Variants in HEATR5B observed in about 807,000 individuals in gnomAD.
HEATR5B encodes the protein HEAT repeat containing 5B, also known as HEAT repeat-containing protein 5B.
In HEATR5B, 156 loss-of-function variants were observed where a neutral mutation model predicts 224.1. The observed-to-expected ratio is 0.70, with a 90% CI of 0.61 to 0.80. HEATR5B has a LOEUF of 0.80. HEATR5B is among the 30% of genes least tolerant of loss of function. The probability of loss-of-function intolerance (pLI) is 0.00; values close to 1 mark genes in which losing one functional copy is unlikely to be tolerated. For synonymous variants in HEATR5B, 1,027 were observed against 893.0 expected (o/e 1.15, Z -2.68); for missense variants, 2,323 against 2,535.5 (o/e 0.92, Z 1.80).
Position 37,056,502 on chromosome 2 carries a change from T to G in HEATR5B, c.2337A>C (p.Ser779=), listed in dbSNP as rs565629807. The G allele has an allele frequency of 3.1e-6, 5 of 1,613,264 alleles. No homozygotes were observed. In the Admixed American group the frequency reaches 5.0e-5, roughly 16 times the overall value. The change falls in exon 16 of 36, where the codon TCA becomes TCC. Residue 779 remains serine, a synonymous_variant. Transcript: ENST00000233099. ...AAAGGGCCACAGAAGCATCAATGAC[T>G]GAGACTCCGAGAGGGAGGGGACCAG... The part of the protein sequence containing the change: ...AVPGPLPLGV[S]VIDASVALFG...
chr2:37,074,741 T>C (rs970914313), intron 5 of HEATR5B, among the ~76,000 whole-genome samples: 1 of 152,168 alleles, frequency 6.6e-6, no homozygotes, highest in Non-Finnish European at 1.5e-5. Context: ...GACAAAAGAT[T>C]GAGCACATCC....
At chr2:37,083,506 TACTC>T (rs886705783) in intron 1 of HEATR5B, 70 bp from the exon 2 acceptor site, 67 of 1,149,566 alleles carry the variant, frequency 5.8e-5, no homozygotes, top group Non-Finnish European at 8.3e-5. Flanking sequence ...TAATGGAATA[TACTC>T]ACTAAGAAAA....
chr2:37,039,785 G>A lies in HEATR5B; in HGVS notation c.3046+544C>T, dbSNP rs536326897. ...TAGAATTAGCTCAGTGGAATTAAGTGGTACAAACATAGGCTTTAGGATCAT... is the reference window on the plus strand; with the variant it reads ...TAGAATTAGCTCAGTGGAATTAAGTAGTACAAACATAGGCTTTAGGATCAT... On this transcript the variant is annotated intron_variant, in intron 20 of 35. Coordinates refer to ENST00000233099, the MANE Select transcript of HEATR5B (RefSeq NM_019024.3). Among the ~76,000 whole-genome samples the A allele has an allele frequency of 7.9e-5, 12 of 152,296 alleles. No homozygotes were observed. In the East Asian group the frequency reaches 2.3e-3, roughly 29 times the overall value.
intron 7 of HEATR5B, among the ~76,000 whole-genome samples, chr2:37,069,900 C>CCT (rs1671803544): frequency 7.1e-6 from 1 of 140,380 alleles, no homozygotes; most frequent in Admixed American, 7.2e-5. Context: ...TGAACAAAAT[C>CCT]TTTTTTTTTT....
chr2:37,009,730 G>GT (rs1667668873), intron 27 of HEATR5B, among the ~76,000 whole-genome samples: 1 of 149,908 alleles, frequency 6.7e-6, no homozygotes, highest in Non-Finnish European at 1.5e-5. Context: ...CCTTCTCAGA[G>GT]TTTTTTCTGG....
Position 37,028,004 on chromosome 2 carries a change from T to C in HEATR5B, c.3772A>G (p.Ile1258Val). Residue 1258 changes from isoleucine (I) to valine (V), a missense_variant, in exon 24 of 36, where the codon ATC becomes GTC. Ile to Val is a conservative substitution (Grantham distance 29, BLOSUM62 3). Around this residue, in one of 12 missense-constraint regions of HEATR5B, gnomAD observed 339 missense variants for 378.4 expected, o/e 0.90. Coordinates refer to ENST00000233099, the MANE Select transcript of HEATR5B (RefSeq NM_019024.3). The stretch of plus-strand genomic sequence containing the variant: ...TCTGCATTCTCACACAAATTGATGA[T>C]TCGACACAGGCAATCGGCAGCAAAT... ...RVFAADCLCRIINLCENADQA... is the reference protein window; with the variant it reads ...RVFAADCLCRVINLCENADQA... The C allele has an allele frequency of 1.9e-6, 3 of 1,614,176 alleles. No individual in the cohort carries two copies. The highest frequency in any genetic ancestry group is 2.5e-6 in the Non-Finnish European group (3 of 1,180,016).
chr2:37,020,913 T>A, intron 24 of HEATR5B, 77 bp from the exon 25 acceptor site: 1 of 824,092 alleles, frequency 1.2e-6, no homozygotes, highest in Non-Finnish European at 1.8e-6. Context: ...TGAAATGAAA[T>A]AAATTTTTGA....
intron 33 of HEATR5B, among the ~76,000 whole-genome samples, chr2:37,000,119 C>T (rs1428487038): frequency 6.6e-6 from 1 of 151,622 alleles, no homozygotes; most frequent in African/African-American, 2.4e-5. Context: ...TGTTTTTTGC[C>T]GAGCCTGGAG....
At chr2:37,005,188 T>A (rs887043600) in intron 30 of HEATR5B, among the ~76,000 whole-genome samples, 1 of 152,182 alleles carries the variant, frequency 6.6e-6, no homozygotes, top group Non-Finnish European at 1.5e-5. Context: ...CCGTGTTCTC[T>A]CATGCCTCCT....
intron 33 of HEATR5B, among the ~76,000 whole-genome samples, chr2:36,994,556 T>C (rs1281973780): frequency 2.0e-5 from 3 of 152,174 alleles, no homozygotes; most frequent in African/African-American, 4.8e-5. Flanking sequence ...ACTTCATAAC[T>C]GGCTGTGTCT....
chr2:37,042,635 T>C (rs1193655389), intron 18 of HEATR5B, among the ~76,000 whole-genome samples: 1 of 152,200 alleles, frequency 6.6e-6, no homozygotes, highest in Non-Finnish European at 1.5e-5. Context: ...CTCATGCCTG[T>C]AATCCCAGCA....
rs373034064 is a variant in HEATR5B, at chr2:37,027,301, C to A, written c.3853+622G>T. ...CTGTTACTCTATCACCTCTCAATTT[C>A]TCTGGGTCTCTTCAACTATGAAATG... On this transcript the variant is annotated intron_variant, in intron 24 of 35. Coordinates refer to ENST00000233099, the MANE Select transcript of HEATR5B (RefSeq NM_019024.3). 2.0e-5 allele frequency among the ~76,000 whole-genome samples: 3 copies of A among 152,144 alleles called. No homozygotes were observed. In the East Asian group the frequency reaches 5.8e-4, roughly 29 times the overall value.
In HEATR5B at chr2:37,007,308, T is replaced by C. The variant is rs367669240; in HGVS notation, c.4523-4A>G. ...TCAGGGGTATAAAATGCTCCACCTG[T>C]AAAGCAATCAAATCAATTAAAAACA... On this transcript the variant is annotated splice_polypyrimidine_tract_variant and splice_region_variant and intron_variant, in intron 28 of 35. Coordinates refer to ENST00000233099, the MANE Select transcript of HEATR5B (RefSeq NM_019024.3). 7.0e-6 allele frequency: 11 copies of C among 1,563,754 alleles called. No homozygotes were observed. The highest frequency in any genetic ancestry group is 6.9e-5 in the African/African-American group (5 of 72,410).
At position 36,988,865 on chromosome 2, in the gene HEATR5B, TAAG is replaced by T. The variant is rs756283655; in HGVS notation, c.5698-9_5698-7del. 2.4e-5 allele frequency: 39 copies of T among 1,599,930 alleles called. No homozygotes were observed. The highest frequency in any genetic ancestry group is 2.0e-4 in the African/African-American group (15 of 74,662). Reference sequence around the variant, plus strand: ...TGGTAACATTTGGCTTGAACCTATATAAGAAGAACATATTATCAATTAACATGT... The same window carrying T: ...TGGTAACATTTGGCTTGAACCTATATAAGAACATATTATCAATTAACATGT... On this transcript the variant is annotated splice_region_variant and splice_polypyrimidine_tract_variant and intron_variant, in intron 34 of 35. Transcript: ENST00000233099.
chr2:37,038,920 G>GGA (rs58707175), intron 20 of HEATR5B, among the ~76,000 whole-genome samples: 13,652 of 122,712 alleles, frequency 0.11, 1,822 homozygotes, highest in Non-Finnish European at 0.14. Context: ...GGGGGGTGGG[G>GGA]AATCACATAT....
chr2:37,038,917 G>GT (rs369615835), intron 20 of HEATR5B, among the ~76,000 whole-genome samples: 1 of 141,740 alleles, frequency 7.1e-6, no homozygotes, highest in African/African-American at 2.7e-5. Flanking sequence ...TGGGGGGGGT[G>GT]GGGAATCACA....
intron 2 of HEATR5B, among the ~76,000 whole-genome samples, chr2:37,082,886 C>G (rs1414224071): frequency 6.6e-6 from 1 of 151,392 alleles, no homozygotes; most frequent in Non-Finnish European, 1.5e-5. Flanking sequence ...ACGAGCTGGT[C>G]TCGGCAAATC....
rs559917120 is a variant in HEATR5B at position 37,074,122 on chromosome 2, C to A, written c.597+1363G>T. On this transcript the variant is annotated intron_variant, in intron 5 of 35. Coordinates refer to ENST00000233099, the MANE Select transcript of HEATR5B (RefSeq NM_019024.3). Reference sequence around the variant, plus strand: ...GGATCACGAGGTCAGGAGATCGAGACCATCCTGGCTAACACGGTGAAACCC... The same window carrying A: ...GGATCACGAGGTCAGGAGATCGAGAACATCCTGGCTAACACGGTGAAACCC... Among the ~76,000 whole-genome samples the A allele has an allele frequency of 1.8e-4, 27 of 152,052 alleles. No homozygotes were observed. The East Asian group carries it at 4.3e-3, about 24-fold the overall frequency.
At chr2:36,987,561 A>G (rs528942915) in intron 35 of HEATR5B, among the ~76,000 whole-genome samples, 15 of 152,364 alleles carry the variant, frequency 9.8e-5, no homozygotes, top group Admixed American at 4.6e-4. Flanking sequence ...TGATAAAATC[A>G]AAGCTTAAGT....
Sources: allele counts gnomAD v4.1 joint callset (sites outside exome capture counted in the v4.1 genomes callset), GRCh38; gene constraint gnomAD v4.1.1; regional missense constraint gnomAD v4.1.1; transcripts MANE v1.5; gene names NCBI Gene and HGNC (gene_info 2026-07-23, HGNC 2026-07-21).